FAT2: variants seen among roughly 807,000 people sequenced by gnomAD.
The protein encoded by FAT2 is protocadherin Fat 2.
In FAT2, 150 loss-of-function variants were observed where a neutral mutation model predicts 295.3. That is an observed-to-expected ratio of 0.51 (90% confidence interval 0.44 to 0.58). The LOEUF (loss-of-function observed/expected upper bound fraction) is 0.58. FAT2 is among the 20% of genes least tolerant of loss of function. FAT2 has a pLI of 0.00. For missense variants in FAT2, 4,868 were observed against 5,442.7 expected, an observed-to-expected ratio of 0.89 and a Z score of 3.32; for synonymous variants, 2,026 against 2,150.3, an observed-to-expected ratio of 0.94 and a Z score of 1.60.
intron 3 of FAT2, among the ~76,000 whole-genome samples, chr5:151,562,743 C>G (rs141014900): frequency 6.6e-6 from 1 of 152,344 alleles, no homozygotes; most frequent in East Asian, 1.9e-4. Context: ...CAAAACACCT[C>G]TAAGAGCAAT....
intron 7 of FAT2, 97 bp downstream of exon 7, chr5:151,551,370 G>T (rs1757194821): frequency 4.7e-6 from 6 of 1,286,828 alleles, no homozygotes; most frequent in Non-Finnish European, 4.3e-6. Flanking sequence ...GTTCCTTGAG[G>T]AACACCACAT....
chr5:151,568,846 G>A lies in FAT2; in HGVS notation c.86C>T (p.Ser29Phe), dbSNP rs997947284. Residue 29 changes from serine to phenylalanine, a missense_variant, in exon 2 of 24, where the codon TCT becomes TTT. By Grantham distance (155) the Ser-to-Phe change is radical. Coordinates refer to ENST00000261800, the MANE Select transcript of FAT2 (RefSeq NM_001447.3). ...ATGGGAGTGTGTGAAGTGCCAAGCA[G>A]AGGAGGAGAGAATCCCTTCTAGAGG... ...EKPLEGILSSSAWHFTHSHYN... is the reference protein window; with the variant it reads ...EKPLEGILSSFAWHFTHSHYN... 2 of 1,614,100 alleles carry A rather than the reference G, an allele frequency of 1.2e-6. No individual in the cohort carries two copies. The highest frequency in any genetic ancestry group is 1.6e-4 in the Middle Eastern group (1 of 6,062).
intron 1 of FAT2, among the ~76,000 whole-genome samples, chr5:151,585,554 A>G (rs972207884): frequency 6.6e-6 from 1 of 152,210 alleles, no homozygotes; most frequent in Non-Finnish European, 1.5e-5. Flanking sequence ...GGAGTTTGCA[A>G]TGAGCTGAGT....
At chr5:151,527,666 A>G (rs1025220326) in intron 16 of FAT2, among the ~76,000 whole-genome samples, 1 of 152,214 alleles carries the variant, frequency 6.6e-6, no homozygotes, top group Non-Finnish European at 1.5e-5. Context: ...ATCAAATGGC[A>G]TAAATCCTTA....
intron 20 of FAT2, among the ~76,000 whole-genome samples, chr5:151,515,967 T>C (rs964671812): frequency 1.3e-5 from 2 of 152,166 alleles, no homozygotes; most frequent in Admixed American, 1.3e-4. Flanking sequence ...CCCCATCCCA[T>C]TACGTCTCTG....
At chr5:151,532,636 A>C (rs1308790953) in intron 13 of FAT2, among the ~76,000 whole-genome samples, 1 of 152,260 alleles carries the variant, frequency 6.6e-6, no homozygotes, top group East Asian at 1.9e-4. Context: ...ATAAAAAGTT[A>C]AGAAAACACC....
chr5:151,564,427 A>G lies in FAT2; in HGVS notation c.3260-788T>C, dbSNP rs534917855. ...AATCTAATGCTCTTTCTAATTAAAC[A>G]GCTTAATTAAATTAAGCTGTTTTCT... On this transcript the variant is annotated intron_variant, in intron 2 of 23. Coordinates refer to ENST00000261800, the MANE Select transcript of FAT2 (RefSeq NM_001447.3). 7.9e-5 allele frequency among the ~76,000 whole-genome samples: 12 copies of G among 152,378 alleles called. No individual in the cohort carries two copies. In the South Asian group the frequency reaches 1.4e-3, roughly 18 times the overall value.
intron 1 of FAT2, among the ~76,000 whole-genome samples, chr5:151,589,150 C>T (rs1759299003): frequency 6.6e-6 from 1 of 152,156 alleles, no homozygotes; most frequent in African/African-American, 2.4e-5. Flanking sequence ...GAGGTCATGT[C>T]CTTCCCCACT....
At chr5:151,575,547 T>C (rs1287775495) in intron 1 of FAT2, among the ~76,000 whole-genome samples, 1 of 152,194 alleles carries the variant, frequency 6.6e-6, no homozygotes, top group Non-Finnish European at 1.5e-5. Context: ...GTACGGCAAA[T>C]ACCTAGCACT....
chr5:151,576,065 G>A (rs1023468946), intron 1 of FAT2, among the ~76,000 whole-genome samples: 1 of 152,174 alleles, frequency 6.6e-6, no homozygotes, highest in Admixed American at 6.5e-5. Flanking sequence ...CCACTCATCT[G>A]TAAGGCAGAG....
chr5:151,566,126 C>T lies in FAT2; in HGVS notation c.2806G>A (p.Glu936Lys), dbSNP rs749245826. The change falls in exon 2 of 24, where the codon GAG becomes AAG. Residue 936 changes from glutamate to lysine, a missense_variant. Physicochemically the swap from Glu to Lys is moderately conservative, Grantham distance 56. Around this residue, in one of 5 missense-constraint regions of FAT2, gnomAD observed 3,297 missense variants for 3,669.4 expected, o/e 0.90. Coordinates refer to ENST00000261800, the MANE Select transcript of FAT2 (RefSeq NM_001447.3). ...AAGACAGTCCCGGGGGGCAGGTCCT[C>T]TGGAACCTTCAGCCTGTTGTGTTCT... Reference protein sequence around the residue: ...ITEHNRLKVPEDLPPGTVLTF... With the variant: ...ITEHNRLKVPKDLPPGTVLTF... The T allele has an allele frequency of 6.2e-7, 1 of 1,614,156 alleles. No individual in the cohort carries two copies. Among genetic ancestry groups the T allele is most frequent in the South Asian group, 1.1e-5 (1 of 91,074 alleles).
rs1386704149 is a variant in FAT2 at position 151,521,807 on chromosome 5, C to T, written c.10786G>A (p.Gly3596Ser). 1.9e-6 allele frequency: 3 copies of T among 1,614,202 alleles called. No individual in the cohort carries two copies. The highest frequency in any genetic ancestry group is 2.2e-5 in the East Asian group (1 of 44,872). ...ACCGTGACGTTGAACGAGTAGTGGCCACGAGGCAGGCCCTGGGCGGCGATA... is the reference window on the plus strand; with the variant it reads ...ACCGTGACGTTGAACGAGTAGTGGCTACGAGGCAGGCCCTGGGCGGCGATA... ...KIIAAQGLPR[G>S]HYSFNVTVSD... The change falls in exon 19 of 24, where the codon GGC becomes AGC. Residue 3596 changes from glycine to serine, a missense_variant. Physicochemically the swap from Gly to Ser is moderately conservative, Grantham distance 56 (BLOSUM62 0). Coordinates refer to ENST00000261800, the MANE Select transcript of FAT2 (RefSeq NM_001447.3).
Position 151,566,962 on chromosome 5 carries a change from G to A in FAT2, c.1970C>T (p.Thr657Ile), listed in dbSNP as rs2127647107. Residue 657 changes from threonine to isoleucine, a missense_variant, in exon 2 of 24, where the codon ACT becomes ATT. By Grantham distance (89) the Thr-to-Ile change is moderately conservative. Coordinates refer to ENST00000261800, the MANE Select transcript of FAT2 (RefSeq NM_001447.3). Reference sequence around the variant, plus strand: ...TTCAAAATGAGGGTCCTTCACCACAGTAATATTCAAAGTTGTGGGTGAGGC... The same window carrying A: ...TTCAAAATGAGGGTCCTTCACCACAATAATATTCAAAGTTGTGGGTGAGGC... ...NYASPTTLNI[T>I]VVKDPHFEVP... The A allele has an allele frequency of 6.2e-7, 1 of 1,614,044 alleles. No homozygotes were observed. The highest frequency in any genetic ancestry group is 8.5e-7 in the Non-Finnish European group (1 of 1,179,916).
intron 6 of FAT2, 151 bp downstream of exon 6, chr5:151,553,026 A>G: frequency 3.0e-6 from 2 of 675,088 alleles, no homozygotes; most frequent in East Asian, 5.3e-5. Context: ...CCAGAGAACC[A>G]GGGAAGAGGC....
At chr5:151,517,026 T>G (rs1752939748) in intron 20 of FAT2, among the ~76,000 whole-genome samples, 1 of 151,628 alleles carries the variant, frequency 6.6e-6, no homozygotes, top group African/African-American at 2.4e-5. Context: ...GAGAATCGCT[T>G]GAACCTGGGA....
rs1236935909 is a variant in FAT2, at chr5:151,568,195, A to G, written c.737T>C (p.Val246Ala). ...FGSLAALVVHVEPALRKPPAI... is the reference protein window; with the variant it reads ...FGSLAALVVHAEPALRKPPAI... ...TGGGGGCTTCCTGAGGGCAGGCTCCACATGAACCACAAGTGCAGCCAGGCT... is the reference window on the plus strand; with the variant it reads ...TGGGGGCTTCCTGAGGGCAGGCTCCGCATGAACCACAAGTGCAGCCAGGCT... Residue 246 changes from valine (V) to alanine (A), a missense_variant, in exon 2 of 24, where the codon GTG becomes GCG. By Grantham distance (64) the Val-to-Ala change is moderately conservative. This residue lies in a region of FAT2 where 3,297 missense variants were observed against 3,669.4 expected (regional missense o/e 0.90). Transcript: ENST00000261800. 1.2e-6 allele frequency: 2 copies of G among 1,613,904 alleles called. No individual in the cohort carries two copies. Among genetic ancestry groups the G allele is most frequent in the East Asian group, 4.5e-5 (2 of 44,898 alleles).
chr5:151,571,656 G>A (rs796873341), intron 1 of FAT2, among the ~76,000 whole-genome samples: 11 of 152,356 alleles, frequency 7.2e-5, no homozygotes, highest in African/African-American at 2.6e-4. Context: ...AGTTTGCTGA[G>A]GGAGGGAACA....
intron 6 of FAT2, among the ~76,000 whole-genome samples, chr5:151,551,836 T>C (rs562121872): frequency 6.6e-6 from 1 of 152,348 alleles, no homozygotes; most frequent in Non-Finnish European, 1.5e-5. Context: ...TCAAATTGAT[T>C]AATAAACTAT....
At chr5:151,591,740 G>A (rs1251617442), upstream of FAT2, among the ~76,000 whole-genome samples, 1 of 152,180 alleles carries the variant, frequency 6.6e-6, no homozygotes, top group Admixed American at 6.5e-5. Context: ...CGAAACCCTG[G>A]CACTGCCACC....
Sources: gnomAD v4.1 joint callset for allele counts (sites outside exome capture counted in the v4.1 genomes callset) on GRCh38, gnomAD v4.1.1 for gene constraint, gnomAD v4.1.1 regional missense constraint, MANE v1.5 for transcripts, NCBI Gene and HGNC (gene_info 2026-07-23, HGNC 2026-07-21) for gene names.